Variants in ABR observed in about 807,000 individuals in gnomAD.
The protein encoded by ABR is active breakpoint cluster region-related protein.
ABR carries 35 observed loss-of-function variants against 107.2 expected under a neutral mutation model. That is an observed-to-expected ratio of 0.33 (90% confidence interval 0.25 to 0.43). The LOEUF (loss-of-function observed/expected upper bound fraction) is 0.43. Ranked by LOEUF, ABR falls within the 20% of genes least tolerant of loss-of-function variation. ABR has a pLI of 1.00. For missense variants in ABR, 815 were observed against 1,115.2 expected, an observed-to-expected ratio of 0.73 and a Z score of 3.83; for synonymous variants, 498 against 462.0, an observed-to-expected ratio of 1.08 and a Z score of -1.00.
At chr17:1,026,034 G>C (rs1343386784) in intron 16 of ABR, among the ~76,000 whole-genome samples, 1 of 152,242 alleles carries the variant, frequency 6.6e-6, no homozygotes, top group Non-Finnish European at 1.5e-5. Context: ...GCTGGCATTG[G>C]CCCAGGTGCA....
chr17:1,177,006 C>T (rs913040813), intron 1 of ABR, among the ~76,000 whole-genome samples: 1 of 152,116 alleles, frequency 6.6e-6, no homozygotes, highest in African/African-American at 2.4e-5. Flanking sequence ...ACCTCTAACA[C>T]CGAGTCATTC....
intron 11 of ABR, 47 bp downstream of exon 11, chr17:1,058,698 T>C: frequency 6.2e-7 from 1 of 1,605,232 alleles, no homozygotes; most frequent in Non-Finnish European, 8.5e-7. Flanking sequence ...TGGGCTGCTC[T>C]GGACTAAGGA....
intron 16 of ABR, chr17:1,031,940 C>CT: frequency 4.6e-6 from 4 of 879,044 alleles, no homozygotes; most frequent in Non-Finnish European, 5.7e-6. Flanking sequence ...TCCCTCCTTC[C>CT]CCGCCCTCCG....
At position 1,096,698 on chromosome 17, in the gene ABR, G is replaced by A. The variant is rs535900203; in HGVS notation, c.345+3939C>T. Among the ~76,000 whole-genome samples the A allele has an allele frequency of 3.6e-3, 545 of 150,978 alleles. 7 individuals carry two copies. Among genetic ancestry groups the A allele is most frequent in the African/African-American group, 0.013 (517 of 41,040 alleles). On this transcript the variant is annotated intron_variant, in intron 3 of 22. Coordinates refer to ENST00000302538, the MANE Select transcript of ABR (RefSeq NM_021962.5). ...TGGGGGAAGGTGGGGAACCCGCCCCGGGAGGAGAGAGCTGGGGAAGGGGGG... is the reference window on the plus strand; with the variant it reads ...TGGGGGAAGGTGGGGAACCCGCCCCAGGAGGAGAGAGCTGGGGAAGGGGGG...
chr17:1,105,856 ACT>A (rs1323143079), intron 2 of ABR, among the ~76,000 whole-genome samples: 2 of 147,310 alleles, frequency 1.4e-5, no homozygotes, highest in Admixed American at 6.9e-5. Context: ...ACAGAGTGAG[ACT>A]CTGTCTCAAA....
At chr17:1,147,828 A>C (rs1250288668) in intron 1 of ABR, among the ~76,000 whole-genome samples, 2 of 152,270 alleles carry the variant, frequency 1.3e-5, no homozygotes, top group African/African-American at 4.8e-5. Context: ...CGCCAGCCTC[A>C]TGGCAAGCTG....
intron 10 of ABR, among the ~76,000 whole-genome samples, chr17:1,062,131 G>C (rs116909369): frequency 7.6e-6 from 1 of 131,458 alleles, no homozygotes; most frequent in Non-Finnish European, 1.8e-5. Context: ...TGACCAAACC[G>C]CTCCAGGCCC....
chr17:1,073,405 C>T (rs1183278645), intron 7 of ABR, among the ~76,000 whole-genome samples: 1 of 152,106 alleles, frequency 6.6e-6, no homozygotes, highest in Non-Finnish European at 1.5e-5. Context: ...ATGCCTGCCT[C>T]CCCGGGAGCA....
chr17:1,191,859 G>A (rs1166495616), upstream of ABR, among the ~76,000 whole-genome samples: 2 of 152,166 alleles, frequency 1.3e-5, no homozygotes, highest in African/African-American at 2.4e-5. Context: ...CGCTCCAGGA[G>A]CCACACATGA....
chr17:1,043,805 T>C (rs2031077306), intron 16 of ABR, among the ~76,000 whole-genome samples: 1 of 151,994 alleles, frequency 6.6e-6, no homozygotes, highest in African/African-American at 2.4e-5. Context: ...GGCAGGCACG[T>C]GGGGAAGTGG....
chr17:1,018,220 T>A (rs540478063), intron 16 of ABR, among the ~76,000 whole-genome samples: 1 of 151,970 alleles, frequency 6.6e-6, no homozygotes, highest in Non-Finnish European at 1.5e-5. Flanking sequence ...TTTTTTGTAT[T>A]TTTAGTAGAG....
chr17:1,102,784 C>G (rs1276657610), intron 2 of ABR, among the ~76,000 whole-genome samples: 1 of 152,166 alleles, frequency 6.6e-6, no homozygotes, highest in Non-Finnish European at 1.5e-5. Flanking sequence ...GATCTCAGCT[C>G]ACTGCAACCT....
At chr17:1,190,746 G>A (rs113248800), upstream of ABR, among the ~76,000 whole-genome samples, 4,242 of 152,318 alleles carry the variant, frequency 0.028, 180 homozygotes, top group African/African-American at 0.09. Flanking sequence ...GTCTGCTCTC[G>A]CCGTCTGCTG....
intron 2 of ABR, among the ~76,000 whole-genome samples, chr17:1,101,575 C>A (rs1384951023): frequency 3.3e-5 from 5 of 152,112 alleles, no homozygotes; most frequent in African/African-American, 1.2e-4. Context: ...CCGCAAAACG[C>A]GAGTACTTGG....
In ABR at chr17:1,048,259, A is replaced by G. The variant is rs566327337; in HGVS notation, c.1791+1791T>C. 1.2e-4 allele frequency among the ~76,000 whole-genome samples: 19 copies of G among 152,326 alleles called. No individual in the cohort carries two copies. In the East Asian group the frequency reaches 2.1e-3, roughly 17 times the overall value. ...AGAAGCAGGGTGCAGACCCCACAGC[A>G]TCGGAAAGAGACGTGTTTAGGAACA... On this transcript the variant is annotated intron_variant, in intron 16 of 22. Coordinates refer to ENST00000302538, the MANE Select transcript of ABR (RefSeq NM_021962.5).
chr17:1,018,092 G>T (rs2071308096), intron 16 of ABR, among the ~76,000 whole-genome samples: 1 of 128,848 alleles, frequency 7.8e-6, no homozygotes, highest in African/African-American at 3.1e-5. Context: ...GCCCAGGCTG[G>T]AGTGCTGTGG....
chr17:1,020,431 C>T (rs145687747), intron 16 of ABR, among the ~76,000 whole-genome samples: 4 of 152,192 alleles, frequency 2.6e-5, no homozygotes, highest in Non-Finnish European at 4.4e-5. Context: ...ATCATGACTG[C>T]GCATTCAGGC....
chr17:1,063,564 T>C (rs2034312906), intron 10 of ABR, among the ~76,000 whole-genome samples: 6 of 147,830 alleles, frequency 4.1e-5, no homozygotes, highest in Non-Finnish European at 6.0e-5. Flanking sequence ...GACACTGTTA[T>C]GTGAACTGAG....
At chr17:1,019,002 T>G (rs1414584480) in intron 16 of ABR, among the ~76,000 whole-genome samples, 2 of 152,128 alleles carry the variant, frequency 1.3e-5, no homozygotes, top group Non-Finnish European at 2.9e-5. Flanking sequence ...CTGCAGAATG[T>G]GTGAAGTCCA....
Sources: allele counts gnomAD v4.1 joint callset (sites outside exome capture counted in the v4.1 genomes callset), GRCh38; gene constraint gnomAD v4.1.1; transcripts MANE v1.5; gene names NCBI Gene and HGNC (gene_info 2026-07-23, HGNC 2026-07-21).